The following VCL variants were observed in gnomAD, a reference collection of about 807,000 sequenced individuals.
The protein encoded by VCL is vinculin.
Under a neutral mutation model 125.7 loss-of-function variants are expected in VCL, and 47 were observed. That is an observed-to-expected ratio of 0.37 (90% CI 0.30 to 0.48). The LOEUF (loss-of-function observed/expected upper bound fraction) is 0.48. Among genes scored for constraint, VCL ranks in the 20% least tolerant of loss-of-function variants. The pLI, the probability that VCL is intolerant of heterozygous loss-of-function variation, is 0.99. For synonymous variants in VCL, 458 were observed against 514.6 expected (o/e 0.89, Z 1.49); for missense variants, 1,069 against 1,455.5 (o/e 0.73, Z 4.32).
At chr10:74,010,716 A>G (rs1840417921) in intron 1 of VCL, among the ~76,000 whole-genome samples, 1 of 152,120 alleles carries the variant, frequency 6.6e-6, no homozygotes, top group Non-Finnish European at 1.5e-5. Flanking sequence ...TTTTCAAAGC[A>G]AGGTGAGGAA....
intron 2 of VCL, among the ~76,000 whole-genome samples, chr10:74,064,351 C>T (rs1388311365): frequency 2.6e-5 from 4 of 152,070 alleles, no homozygotes; most frequent in East Asian, 1.9e-4. Context: ...AACCAGCTCC[C>T]GTTTTGAAGC....
chr10:74,048,911 G>C (rs1447321711), intron 2 of VCL, among the ~76,000 whole-genome samples: 1 of 152,084 alleles, frequency 6.6e-6, no homozygotes, highest in Non-Finnish European at 1.5e-5. Context: ...GTGAGGTCAG[G>C]AGATCGAGAC....
intron 2 of VCL, among the ~76,000 whole-genome samples, chr10:74,059,368 AAAAAG>A (rs993229934): frequency 2.0e-5 from 3 of 151,810 alleles, no homozygotes; most frequent in South Asian, 2.1e-4. Flanking sequence ...AAGAAAAAAA[AAAAAG>A]AAAAGAAAAA....
intron 6 of VCL, chr10:74,077,202 A>C (rs1202040197): frequency 1.3e-5 from 2 of 152,638 alleles, no homozygotes; most frequent in Admixed American, 6.5e-5. Context: ...CAGAATGAAC[A>C]AGAGATGTTT....
At chr10:74,114,755 G>A in intron 20 of VCL, 40 bp from the exon 21 acceptor site, 1 of 1,561,008 alleles carries the variant, frequency 6.4e-7, no homozygotes, top group Non-Finnish European at 8.7e-7. Flanking sequence ...TTGTGGGCAA[G>A]GCAAACAGAG....
At chr10:74,000,066 T>G (rs1840198794) in intron 1 of VCL, among the ~76,000 whole-genome samples, 1 of 152,176 alleles carries the variant, frequency 6.6e-6, no homozygotes, top group Non-Finnish European at 1.5e-5. Context: ...GGTTGATATC[T>G]GGTTAGGCTA....
chr10:74,041,291 T>C (rs1300651155), intron 1 of VCL, among the ~76,000 whole-genome samples: 1 of 152,198 alleles, frequency 6.6e-6, no homozygotes, highest in African/African-American at 2.4e-5. Context: ...AAATATGATT[T>C]AGTACTCTTA....
intron 1 of VCL, among the ~76,000 whole-genome samples, chr10:74,039,915 C>T (rs2136246636): frequency 6.6e-6 from 1 of 152,356 alleles, no homozygotes; most frequent in East Asian, 1.9e-4. Context: ...CCTTCTTACC[C>T]AGCCTCATTA....
intron 2 of VCL, among the ~76,000 whole-genome samples, chr10:74,046,261 T>A (rs1399196130): frequency 6.6e-6 from 1 of 152,192 alleles, no homozygotes; most frequent in Non-Finnish European, 1.5e-5. Context: ...TATATATATA[T>A]TTTTGAGACA....
At chr10:74,107,683 G>T (rs1405279983) in intron 17 of VCL, among the ~76,000 whole-genome samples, 1 of 152,134 alleles carries the variant, frequency 6.6e-6, no homozygotes, top group African/African-American at 2.4e-5. Flanking sequence ...AAAATAATCT[G>T]CACAGCTTGG....
At chr10:74,114,633 G>C (rs1392287288) in intron 20 of VCL, among the ~76,000 whole-genome samples, 162 bp from the exon 21 acceptor site, 1 of 151,768 alleles carries the variant, frequency 6.6e-6, no homozygotes, top group East Asian at 1.9e-4. Flanking sequence ...GAAATGGATT[G>C]TACTGACCCT....
chr10:73,998,820 C>T (rs892072388), intron 1 of VCL, among the ~76,000 whole-genome samples: 1 of 152,182 alleles, frequency 6.6e-6, no homozygotes, highest in Admixed American at 6.5e-5. Flanking sequence ...GGAGAGCGGG[C>T]CTTCCCACGG....
chr10:74,060,279 TG>T (rs1341584269), intron 2 of VCL, among the ~76,000 whole-genome samples: 1 of 152,146 alleles, frequency 6.6e-6, no homozygotes, highest in Non-Finnish European at 1.5e-5. Flanking sequence ...CACTCCACCC[TG>T]GGTAACAGAG....
intron 6 of VCL, chr10:74,077,009 A>G (rs1260298173): frequency 6.6e-6 from 1 of 152,650 alleles, no homozygotes; most frequent in Non-Finnish European, 1.5e-5. Context: ...TTGAGTTTTC[A>G]GGGCTAGGAT....
At chr10:74,045,678 C>T (rs1385096288) in intron 2 of VCL, among the ~76,000 whole-genome samples, 1 of 148,378 alleles carries the variant, frequency 6.7e-6, no homozygotes. Context: ...GTTGTTTAGA[C>T]ATGCCTATTT....
chr10:74,094,707 G>A (rs961005933), intron 11 of VCL, among the ~76,000 whole-genome samples: 4 of 152,088 alleles, frequency 2.6e-5, no homozygotes, highest in African/African-American at 9.7e-5. Flanking sequence ...GATCACTTGC[G>A]CCCAGGAGTT....
intron 1 of VCL, among the ~76,000 whole-genome samples, chr10:74,004,511 T>C (rs1414979045): frequency 6.6e-6 from 1 of 152,168 alleles, no homozygotes; most frequent in Non-Finnish European, 1.5e-5. Context: ...TAAATATCAG[T>C]GGAGGTTTCC....
intron 10 of VCL, 130 bp from the exon 11 acceptor site, chr10:74,094,141 C>T (rs936369765): frequency 9.1e-7 from 1 of 1,104,784 alleles, no homozygotes; most frequent in Non-Finnish European, 1.3e-6. Flanking sequence ...AAATAAACCA[C>T]TCCTTTCAAA....
intron 21 of VCL, 139 bp downstream of exon 21, chr10:74,115,038 G>T: frequency 1.1e-6 from 1 of 891,626 alleles, no homozygotes; most frequent in Non-Finnish European, 1.8e-6. Context: ...ACTGTCTCAG[G>T]AGGGGAAAGT....
Sources: allele counts gnomAD v4.1 joint callset (sites outside exome capture counted in the v4.1 genomes callset), GRCh38; gene constraint gnomAD v4.1.1; transcripts MANE v1.5; gene names NCBI Gene and HGNC (gene_info 2026-07-23, HGNC 2026-07-21).